SPATA6: variants seen among roughly 807,000 people sequenced by gnomAD.
SPATA6 encodes the protein spermatogenesis associated 6, also known as spermatogenesis-associated protein 6.
A neutral mutation model predicts 65.3 loss-of-function variants in SPATA6; 56 were observed. That is an observed-to-expected ratio of 0.86 (90% CI 0.69 to 1.07). The LOEUF is 1.07. Ranked by LOEUF, SPATA6 falls within the 50% of genes least tolerant of loss-of-function variation. SPATA6 has a pLI of 0.00. For missense variants in SPATA6, 590 were observed against 594.8 expected, an observed-to-expected ratio of 0.99 and a Z score of 0.08; for synonymous variants, 199 against 213.2, an observed-to-expected ratio of 0.93 and a Z score of 0.58.
intron 8 of SPATA6, among the ~76,000 whole-genome samples, chr1:48,386,967 A>G (rs1281900273): frequency 6.6e-6 from 1 of 152,192 alleles, no homozygotes; most frequent in East Asian, 1.9e-4. Context: ...CCATTTTTAC[A>G]CTGCCGATAA....
chr1:48,333,548 A>G (rs942816389), intron 11 of SPATA6, among the ~76,000 whole-genome samples: 1 of 152,190 alleles, frequency 6.6e-6, no homozygotes, highest in African/African-American at 2.4e-5. Context: ...CTGTCCCTCT[A>G]GAGAACCCTG....
chr1:48,321,657 T>C (rs1299783024), intron 11 of SPATA6, among the ~76,000 whole-genome samples: 1 of 152,178 alleles, frequency 6.6e-6, no homozygotes, highest in African/African-American at 2.4e-5. Context: ...ATCTGCACTA[T>C]AGCCTAAATA....
intron 9 of SPATA6, among the ~76,000 whole-genome samples, chr1:48,368,400 G>C (rs1647106232): frequency 6.6e-6 from 1 of 152,146 alleles, no homozygotes; most frequent in Admixed American, 6.5e-5. Flanking sequence ...TTTTCAACTT[G>C]GTTTCATTCT....
At chr1:48,374,377 A>G (rs1049894689) in intron 9 of SPATA6, among the ~76,000 whole-genome samples, 1 of 152,200 alleles carries the variant, frequency 6.6e-6, no homozygotes, top group East Asian at 1.9e-4. Flanking sequence ...TATGTCTAAT[A>G]AACAATGTAC....
chr1:48,279,865 T>C, the SPATA6 span, among the ~76,000 whole-genome samples: 1 of 152,110 alleles, frequency 6.6e-6, no homozygotes, highest in Non-Finnish European at 1.5e-5. Flanking sequence ...CCACCCCAAA[T>C]CAACAGAATA....
chr1:48,311,730 T>C (rs955080580), intron 11 of SPATA6, among the ~76,000 whole-genome samples: 8 of 152,112 alleles, frequency 5.3e-5, no homozygotes, highest in Non-Finnish European at 7.4e-5. Flanking sequence ...TGCAGGACAG[T>C]GGGTGCAGTG....
chr1:48,268,381 A>G, the SPATA6 span, among the ~76,000 whole-genome samples: 1 of 151,946 alleles, frequency 6.6e-6, no homozygotes, highest in African/African-American at 2.4e-5. Flanking sequence ...CATATGTTAT[A>G]ATCTTCTGAA....
intron 3 of SPATA6, among the ~76,000 whole-genome samples, chr1:48,425,135 A>C (rs1041847920): frequency 2.0e-5 from 3 of 152,168 alleles, no homozygotes; most frequent in African/African-American, 7.2e-5. Context: ...TCTTAGATTT[A>C]AGTCTTCAAT....
chr1:48,432,935 T>C (rs1301887141), intron 3 of SPATA6, among the ~76,000 whole-genome samples: 2 of 152,190 alleles, frequency 1.3e-5, no homozygotes, highest in East Asian at 3.8e-4. Context: ...TACAATGGAA[T>C]ATCATTCATC....
chr1:48,394,676 A>T (rs940390773), intron 8 of SPATA6, among the ~76,000 whole-genome samples: 2 of 152,000 alleles, frequency 1.3e-5, no homozygotes, highest in Non-Finnish European at 2.9e-5. Context: ...TTTTTCACTC[A>T]ATCTCATTTT....
chr1:48,339,576 A>C (rs1470789095), intron 11 of SPATA6, among the ~76,000 whole-genome samples: 2 of 152,032 alleles, frequency 1.3e-5, no homozygotes, highest in African/African-American at 4.8e-5. Context: ...GGTATCTATA[A>C]AAATGAATCA....
intron 3 of SPATA6, chr1:48,436,990 T>C: frequency 6.2e-7 from 1 of 1,610,618 alleles, no homozygotes; most frequent in Admixed American, 1.7e-5. Context: ...CTCTCCTGCC[T>C]TCTTTAGCTT....
At chr1:48,452,923 G>T in intron 2 of SPATA6, 71 bp downstream of exon 2, 1 of 1,529,102 alleles carries the variant, frequency 6.5e-7, no homozygotes, top group Non-Finnish European at 8.8e-7. Context: ...TTGTGTTATA[G>T]GCTTTTATTC....
At chr1:48,373,459 G>A (rs1647527732) in intron 9 of SPATA6, among the ~76,000 whole-genome samples, 1 of 152,152 alleles carries the variant, frequency 6.6e-6, no homozygotes, top group African/African-American at 2.4e-5. Context: ...AAGTCACTAG[G>A]AAGTTCCAAA....
chr1:48,355,843 C>T (rs1478749536), intron 10 of SPATA6, 74 bp from the exon 11 acceptor site: 21 of 1,169,636 alleles, frequency 1.8e-5, no homozygotes, highest in Non-Finnish European at 2.5e-5. Context: ...ATCAAGTTTT[C>T]ACAGTATGTT....
intron 3 of SPATA6, among the ~76,000 whole-genome samples, chr1:48,450,738 TC>T (rs1462626364): frequency 6.6e-6 from 1 of 152,172 alleles, no homozygotes; most frequent in Non-Finnish European, 1.5e-5. Context: ...TGGGCCAGAC[TC>T]TTCTTCCCTC....
intron 2 of SPATA6, among the ~76,000 whole-genome samples, 177 bp from the exon 3 acceptor site, chr1:48,451,777 G>T (rs1056733456): frequency 3.3e-5 from 5 of 151,906 alleles, no homozygotes; most frequent in Non-Finnish European, 7.4e-5. Flanking sequence ...TTTATAGCTT[G>T]TGCTGCCTCC....
At chr1:48,334,613 T>C (rs1646008799) in intron 11 of SPATA6, among the ~76,000 whole-genome samples, 1 of 152,076 alleles carries the variant, frequency 6.6e-6, no homozygotes, top group African/African-American at 2.4e-5. Context: ...TAAAGAAACT[T>C]GGCATTGAAG....
At chr1:48,385,968 G>T (rs781405334) in intron 8 of SPATA6, among the ~76,000 whole-genome samples, 1 of 152,084 alleles carries the variant, frequency 6.6e-6, no homozygotes, top group African/African-American at 2.4e-5. Context: ...CACTAAAATA[G>T]AAATCAACTA....
Sources: allele counts gnomAD v4.1 joint callset (sites outside exome capture counted in the v4.1 genomes callset), GRCh38; gene constraint gnomAD v4.1.1; transcripts MANE v1.5; gene names NCBI Gene and HGNC (gene_info 2026-07-23, HGNC 2026-07-21).